CSGALNACT1: variants seen among roughly 807,000 people sequenced by gnomAD.
CSGALNACT1 encodes the protein beta4GalNAcT-1.
CSGALNACT1 carries 52 observed loss-of-function variants against 51.0 expected under a neutral mutation model. The observed-to-expected ratio is 1.02, with a 90% CI of 0.82 to 1.29. CSGALNACT1 has a LOEUF of 1.29. Ranked by LOEUF, CSGALNACT1 falls within the 50% of genes most tolerant of loss-of-function variation. CSGALNACT1 has a pLI of 0.00. For missense variants in CSGALNACT1, 935 were observed against 679.2 expected (o/e 1.38, Z -4.19); for synonymous variants, 341 against 254.4 (o/e 1.34, Z -3.24).
chr8:19,632,991 C>T (rs546997309), intron 1 of CSGALNACT1, among the ~76,000 whole-genome samples: 26 of 149,324 alleles, frequency 1.7e-4, no homozygotes, highest in African/African-American at 4.9e-4. Flanking sequence ...TGGTCTCAAA[C>T]TCTTGGGCTC....
chr8:19,570,935 A>G (rs1162889190), intron 3 of CSGALNACT1, among the ~76,000 whole-genome samples: 2 of 152,084 alleles, frequency 1.3e-5, no homozygotes, highest in East Asian at 3.9e-4. Context: ...ACAAACAAAA[A>G]CAACAAACAA....
chr8:19,616,877 G>C (rs371621018), intron 1 of CSGALNACT1, among the ~76,000 whole-genome samples: 1 of 152,190 alleles, frequency 6.6e-6, no homozygotes, highest in Non-Finnish European at 1.5e-5. Flanking sequence ...GAATGGTTTC[G>C]TGGAAGACAC....
In CSGALNACT1 at chr8:19,598,000, C is replaced by A. The variant is rs577036877; in HGVS notation, c.-416+3771G>T. Among the ~76,000 whole-genome samples, 9 of 152,340 alleles carry A rather than the reference C, an allele frequency of 5.9e-5. No homozygotes were observed. In the South Asian group the frequency reaches 6.2e-4, roughly 11 times the overall value. ...CCTGGGGCTCAGCAAAGGCTCCCCC[C>A]TTACCTGCCTCCCAAGATAAGTCTC... On this transcript the variant is annotated intron_variant, in intron 2 of 9. Coordinates refer to ENST00000454498, the Ensembl canonical transcript of CSGALNACT1.
chr8:19,706,889 A>G lies in CSGALNACT1; in HGVS notation c.-297+50961T>C, dbSNP rs1411210217. 2.6e-5 allele frequency among the ~76,000 whole-genome samples: 4 copies of G among 152,152 alleles called. No individual in the cohort carries two copies. In the East Asian group the frequency reaches 7.7e-4, roughly 29 times the overall value. ...TGATTCTCCCTGCCTGGCCTCCCAA[A>G]GTGCTGAGATTACAGGTGTGAGCAA... On this transcript the variant is annotated intron_variant, in intron 1 of 1. Transcript: ENST00000517494.
chr8:19,466,896 T>TTTTAC (rs2066818061), intron 4 of CSGALNACT1, among the ~76,000 whole-genome samples: 1 of 152,250 alleles, frequency 6.6e-6, no homozygotes, highest in Non-Finnish European at 1.5e-5. Flanking sequence ...TGAAAGTTTC[T>TTTTAC]TTTACCTGAT....
chr8:19,739,389 A>G (rs1208880509), intron 1 of CSGALNACT1, among the ~76,000 whole-genome samples: 1 of 152,030 alleles, frequency 6.6e-6, no homozygotes, highest in Non-Finnish European at 1.5e-5. Context: ...TCTCTTTTCT[A>G]CCCACCTTTT....
At chr8:19,506,263 T>C (rs1457811066) in intron 3 of CSGALNACT1, 133 bp from the exon 3 acceptor site, 1 of 368,210 alleles carries the variant, frequency 2.7e-6, no homozygotes, top group Non-Finnish European at 5.3e-6. Context: ...TTAAATATTG[T>C]TAAATGTGTA....
chr8:19,631,351 C>G (rs1271556204), intron 1 of CSGALNACT1, among the ~76,000 whole-genome samples: 3 of 152,216 alleles, frequency 2.0e-5, no homozygotes, highest in Non-Finnish European at 4.4e-5. Context: ...GCTCCACATC[C>G]TTGCTGGTGC....
At chr8:19,650,633 G>C (rs4273864) in intron 1 of CSGALNACT1, among the ~76,000 whole-genome samples, 124,976 of 152,152 alleles carry the variant, frequency 0.82, 51,518 homozygotes, top group East Asian at 0.98. Flanking sequence ...CATGCCAGAG[G>C]CCAGCACAGT....
chr8:19,467,761 G>T (rs971195651), intron 4 of CSGALNACT1, among the ~76,000 whole-genome samples: 1 of 152,170 alleles, frequency 6.6e-6, no homozygotes, highest in Non-Finnish European at 1.5e-5. Context: ...AAGGCAGGTG[G>T]ATCACTTGAG....
intron 5 of CSGALNACT1, among the ~76,000 whole-genome samples, chr8:19,456,002 C>G (rs1349885185): frequency 6.6e-6 from 1 of 152,198 alleles, no homozygotes; most frequent in Non-Finnish European, 1.5e-5. Flanking sequence ...TAGTAAAAGT[C>G]CATATGGTGG....
At chr8:19,504,019 T>C (rs1161040372) in intron 4 of CSGALNACT1, among the ~76,000 whole-genome samples, 1 of 152,218 alleles carries the variant, frequency 6.6e-6, no homozygotes, top group Non-Finnish European at 1.5e-5. Flanking sequence ...AGACAGTGGT[T>C]GTATAACCAA....
intron 1 of CSGALNACT1, among the ~76,000 whole-genome samples, chr8:19,718,865 C>G (rs1208113544): frequency 3.3e-5 from 5 of 152,206 alleles, no homozygotes; most frequent in Admixed American, 3.3e-4. Flanking sequence ...AACTTCCTCT[C>G]TCATCTGGAT....
chr8:19,490,636 C>G (rs1781601091), intron 4 of CSGALNACT1, among the ~76,000 whole-genome samples: 1 of 152,184 alleles, frequency 6.6e-6, no homozygotes, highest in Admixed American at 6.5e-5. Flanking sequence ...GATTGGTTCT[C>G]TCCAGCTTGG....
intron 4 of CSGALNACT1, among the ~76,000 whole-genome samples, chr8:19,463,395 C>T (rs1004910811): frequency 1.3e-5 from 2 of 152,176 alleles, no homozygotes; most frequent in Non-Finnish European, 2.9e-5. Flanking sequence ...ACAGAGGGAG[C>T]AACTTTCAGT....
intron 1 of CSGALNACT1, among the ~76,000 whole-genome samples, chr8:19,655,561 C>T (rs7835820): frequency 0.034 from 4,436 of 130,952 alleles, 335 homozygotes; most frequent in East Asian, 0.33. Flanking sequence ...CATATATATA[C>T]ACACACACAC....
In CSGALNACT1 at chr8:19,595,861, ATTTTT is replaced by A. The variant is rs200011185; in HGVS notation, c.-415-4588_-415-4584del. On this transcript the variant is annotated intron_variant, in intron 2 of 9. Coordinates refer to ENST00000454498, the Ensembl canonical transcript of CSGALNACT1. ...TCCCTTTCTCATTTTCAGTTAATGT[ATTTTT>A]TTTTTTTTTTTTTTTGAGACAGGGT... 4.9e-3 allele frequency among the ~76,000 whole-genome samples: 551 copies of A among 112,086 alleles called. 4 individuals are homozygous for A. The highest frequency in any genetic ancestry group is 0.018 in the African/African-American group (510 of 28,916). The allele number at this position is 112,086 out of a possible 152,430, so 73.5% of individuals were successfully genotyped here. A position where few individuals can be genotyped will look rare whatever the true frequency, so the allele number is the denominator to read the frequency against.
intron 1 of CSGALNACT1, among the ~76,000 whole-genome samples, chr8:19,697,730 G>A (rs556131120): frequency 1.3e-5 from 2 of 152,232 alleles, no homozygotes; most frequent in South Asian, 2.1e-4. Flanking sequence ...TGTGGGACAT[G>A]TGGACTTGAA....
chr8:19,526,734 G>A (rs1035548890), intron 3 of CSGALNACT1, among the ~76,000 whole-genome samples: 2 of 152,198 alleles, frequency 1.3e-5, no homozygotes, highest in South Asian at 4.2e-4. Context: ...TAATTTAATA[G>A]AAAAAGCTCC....
Sources: allele counts gnomAD v4.1 joint callset (sites outside exome capture counted in the v4.1 genomes callset), GRCh38; gene constraint gnomAD v4.1.1; transcripts MANE v1.5; gene names NCBI Gene and HGNC (gene_info 2026-07-23, HGNC 2026-07-21).